The following MACROD2 variants were observed in gnomAD, a reference collection of about 807,000 sequenced individuals.
MACROD2 encodes the protein ADP-ribose glycohydrolase MACROD2.
MACROD2 carries 36 observed loss-of-function variants against 70.4 expected under a neutral mutation model. The ratio of observed to expected loss-of-function variants is 0.51; its 90% confidence interval spans 0.39 to 0.68. MACROD2 has a LOEUF of 0.68. MACROD2 is among the 30% of genes least tolerant of loss of function. The pLI, the probability that MACROD2 is intolerant of heterozygous loss-of-function variation, is 0.00. For synonymous variants in MACROD2, 172 were observed against 178.8 expected, an observed-to-expected ratio of 0.96 and a Z score of 0.30; for missense variants, 496 against 538.4, an observed-to-expected ratio of 0.92 and a Z score of 0.78.
chr20:14,724,542 C>G (rs2071506010), intron 5 of MACROD2, among the ~76,000 whole-genome samples: 3 of 152,234 alleles, frequency 2.0e-5, no homozygotes, highest in Non-Finnish European at 4.4e-5. Flanking sequence ...TAGGATTGGG[C>G]ACTATATTAG....
rs1467452534 is a variant in MACROD2 at position 14,084,070 on chromosome 20, ACAAAAAACAAAC to A, written c.164-1550_164-1539del. Among the ~76,000 whole-genome samples the A allele has an allele frequency of 5.0e-5, 7 of 140,842 alleles. 1 individual carries two copies. The highest frequency in any genetic ancestry group is 6.2e-5 in the Non-Finnish European group (4 of 64,166). The allele number at this position is 140,842 out of a possible 152,430, so 92.4% of individuals were successfully genotyped here. ...GAGCGAGACTCCGTCTCAAAAAAAAACAAAAAACAAACAAAAAAAAACCTTCCGGGAGAGAAG... is the reference window on the plus strand; with the variant it reads ...GAGCGAGACTCCGTCTCAAAAAAAAAAAAAAAAAACCTTCCGGGAGAGAAG... On this transcript the variant is annotated intron_variant, in intron 2 of 17. Coordinates refer to ENST00000684519, the MANE Select transcript of MACROD2 (RefSeq NM_001351661.2).
chr20:14,289,855 C>G (rs1443746519), intron 3 of MACROD2, among the ~76,000 whole-genome samples: 1 of 152,078 alleles, frequency 6.6e-6, no homozygotes, highest in East Asian at 1.9e-4. Flanking sequence ...TTTTCCTGTT[C>G]AATATTTCAA....
chr20:15,589,213 A>G lies in MACROD2; in HGVS notation c.645+89366A>G, dbSNP rs532156243. ...ACTTATTCACTATCACGAGAATAGC[A>G]TAGGAAAGACTGGCCCCTATGATTC... On this transcript the variant is annotated intron_variant, in intron 8 of 17. Coordinates refer to ENST00000684519, the MANE Select transcript of MACROD2 (RefSeq NM_001351661.2). Among the ~76,000 whole-genome samples the G allele has an allele frequency of 1.6e-3, 244 of 152,296 alleles. 2 individuals are homozygous for G. Among genetic ancestry groups the G allele is most frequent in the African/African-American group, 5.6e-3 (231 of 41,558 alleles).
chr20:15,237,993 G>A (rs2077029016), intron 6 of MACROD2, among the ~76,000 whole-genome samples: 2 of 152,168 alleles, frequency 1.3e-5, no homozygotes, highest in African/African-American at 4.8e-5. Flanking sequence ...TATGGGTGGG[G>A]CACTGATGCC....
At chr20:14,935,352 G>A (rs552174059) in intron 5 of MACROD2, 1 of 152,166 alleles carries the variant, frequency 6.6e-6, no homozygotes, top group East Asian at 1.9e-4. Flanking sequence ...TCTAGTAGTA[G>A]CATCTCAGAA....
chr20:15,819,297 G>GTATATAAATATATATACATA (rs1555783408), intron 8 of MACROD2, among the ~76,000 whole-genome samples: 6 of 136,758 alleles, frequency 4.4e-5, no homozygotes, highest in African/African-American at 1.1e-4. Flanking sequence ...TTATATATAA[G>GTATATAAATATATATACATA]TATATAAATA....
chr20:14,031,541 T>G (rs931164794), intron 2 of MACROD2, among the ~76,000 whole-genome samples: 29 of 152,126 alleles, frequency 1.9e-4, no homozygotes, highest in African/African-American at 6.8e-4. Flanking sequence ...AAATGATAAA[T>G]CTAATTTTTT....
chr20:15,621,898 T>C (rs1011106097), intron 8 of MACROD2, among the ~76,000 whole-genome samples: 3 of 152,236 alleles, frequency 2.0e-5, no homozygotes, highest in African/African-American at 4.8e-5. Context: ...TTTGTGGTGA[T>C]GCCCCAAGAG....
At chr20:15,526,973 G>GA (rs1290853579) in intron 8 of MACROD2, among the ~76,000 whole-genome samples, 1 of 152,158 alleles carries the variant, frequency 6.6e-6, no homozygotes, top group Non-Finnish European at 1.5e-5. Flanking sequence ...CCACGTATTG[G>GA]AAATGAGAAA....
intron 10 of MACROD2, among the ~76,000 whole-genome samples, chr20:15,896,293 C>T (rs755945289): frequency 6.6e-6 from 1 of 152,176 alleles, no homozygotes; most frequent in African/African-American, 2.4e-5. Flanking sequence ...CCACTTCCCA[C>T]CCTCACAGGT....
intron 5 of MACROD2, among the ~76,000 whole-genome samples, chr20:14,969,173 A>ATG (rs936009848): frequency 6.6e-6 from 1 of 151,618 alleles, no homozygotes; most frequent in African/African-American, 2.4e-5. Context: ...ATATATATAT[A>ATG]TATATAAATC....
rs139825657 is a variant in MACROD2, at chr20:14,339,307, C to T, written c.272-154172C>T. On this transcript the variant is annotated intron_variant, in intron 3 of 17. Transcript: ENST00000684519. Reference sequence around the variant, plus strand: ...TAGATTCTAATGTCCATTGAAAAGCCAATTTCTTTGAACTGCTAGGTAGTA... The same window carrying T: ...TAGATTCTAATGTCCATTGAAAAGCTAATTTCTTTGAACTGCTAGGTAGTA... Among the ~76,000 whole-genome samples the T allele has an allele frequency of 3.3e-5, 5 of 152,228 alleles. No individual in the cohort carries two copies. In the East Asian group the frequency reaches 9.6e-4, roughly 29 times the overall value.
chr20:14,117,554 G>C (rs4814282), intron 3 of MACROD2, among the ~76,000 whole-genome samples: 20 of 152,220 alleles, frequency 1.3e-4, no homozygotes, highest in Middle Eastern at 3.4e-3. Context: ...TATGGTGCTA[G>C]GAAAACCGAG....
At chr20:14,093,989 T>TA (rs373215568) in intron 3 of MACROD2, among the ~76,000 whole-genome samples, 1 of 149,336 alleles carries the variant, frequency 6.7e-6, no homozygotes. Flanking sequence ...TTTTTTTTTT[T>TA]AAAATTTTTT....
chr20:15,728,630 G>T (rs886093724), intron 8 of MACROD2, among the ~76,000 whole-genome samples: 1 of 152,054 alleles, frequency 6.6e-6, no homozygotes, highest in African/African-American at 2.4e-5. Context: ...ATCTTGGGAG[G>T]TTGTATGTTT....
chr20:14,263,624 A>G (rs968529167), intron 3 of MACROD2, among the ~76,000 whole-genome samples: 4 of 152,112 alleles, frequency 2.6e-5, no homozygotes, highest in Non-Finnish European at 4.4e-5. Context: ...GCCCATGACT[A>G]TTATAATAGG....
chr20:14,955,347 A>T (rs982949126), intron 5 of MACROD2, among the ~76,000 whole-genome samples: 1 of 145,536 alleles, frequency 6.9e-6, no homozygotes, highest in African/African-American at 2.5e-5. Context: ...TATAATTTTT[A>T]TTATATATAT....
chr20:15,173,381 C>A (rs1291047989), intron 5 of MACROD2, among the ~76,000 whole-genome samples: 3 of 152,134 alleles, frequency 2.0e-5, no homozygotes, highest in Non-Finnish European at 4.4e-5. Flanking sequence ...TCTATTTCAG[C>A]CCAATGGAGC....
chr20:14,883,110 T>C (rs915369804), intron 5 of MACROD2, among the ~76,000 whole-genome samples: 1 of 152,204 alleles, frequency 6.6e-6, no homozygotes. Context: ...TAACATGTTT[T>C]AAATACCACA....
Sources: allele counts gnomAD v4.1 joint callset (sites outside exome capture counted in the v4.1 genomes callset), GRCh38; gene constraint gnomAD v4.1.1; transcripts MANE v1.5; gene names NCBI Gene and HGNC (gene_info 2026-07-23, HGNC 2026-07-21).